Variants in ITGAE observed in about 807,000 individuals in gnomAD.
ITGAE encodes integrin subunit alpha E, also known as integrin alpha-E.
ITGAE carries 99 observed loss-of-function variants against 136.5 expected under a neutral mutation model. That is an observed-to-expected ratio of 0.73 (90% confidence interval 0.62 to 0.86). ITGAE has a LOEUF of 0.86. ITGAE is among the 40% of genes least tolerant of loss of function. The pLI is 0.00. For missense variants in ITGAE, 1,447 were observed against 1,515.3 expected (o/e 0.95, Z 0.75); for synonymous variants, 613 against 591.8 (o/e 1.04, Z -0.52).
In ITGAE at chr17:3,726,318, A is replaced by G. The variant is rs1308725910; in HGVS notation, c.3084+1601T>C. On this transcript the variant is annotated intron_variant, in intron 26 of 30. Coordinates refer to ENST00000263087, the MANE Select transcript of ITGAE (RefSeq NM_002208.5). The stretch of plus-strand genomic sequence containing the variant: ...TGCCACTGACTTGCTCTGCCAGCAC[A>G]GTCTGTTTAAGTAAGCTAAATGTAT... 4 of 1,609,720 alleles carry G rather than the reference A, an allele frequency of 2.5e-6. No homozygotes were observed. Among genetic ancestry groups the G allele is most frequent in the African/African-American group, 2.7e-5 (2 of 74,742 alleles).
chr17:3,752,615 G>A (rs752208921), intron 14 of ITGAE, among the ~76,000 whole-genome samples: 1 of 152,064 alleles, frequency 6.6e-6, no homozygotes, highest in Non-Finnish European at 1.5e-5. Flanking sequence ...AATTAGCCGG[G>A]TGTAGTGGCA....
At chr17:3,797,117 G>T (rs904044477) in intron 1 of ITGAE, among the ~76,000 whole-genome samples, 1 of 148,538 alleles carries the variant, frequency 6.7e-6, no homozygotes, top group Admixed American at 6.7e-5. Flanking sequence ...CAGGCCTTGA[G>T]CACTACTGTG....
At chr17:3,742,676 G>T (rs908533301) in intron 19 of ITGAE, among the ~76,000 whole-genome samples, 1 of 151,424 alleles carries the variant, frequency 6.6e-6, no homozygotes, top group Non-Finnish European at 1.5e-5. Context: ...ATGGAGTCTC[G>T]CTCTGTTGCC....
intron 28 of ITGAE, among the ~76,000 whole-genome samples, chr17:3,721,233 C>T (rs896285716): frequency 6.3e-5 from 5 of 79,302 alleles, no homozygotes; most frequent in African/African-American, 9.0e-5. Context: ...CCAGCTTATT[C>T]ATTTTATTTA....
chr17:3,798,375 A>G lies in ITGAE; in HGVS notation c.34+2736T>C, dbSNP rs1316816647. 6.6e-6 allele frequency among the ~76,000 whole-genome samples: 1 copy of G among 152,116 alleles called. No homozygotes were observed. Among genetic ancestry groups the G allele is most frequent in the Admixed American group, 6.5e-5 (1 of 15,280 alleles). On this transcript the variant is annotated intron_variant, in intron 1 of 30. Transcript: ENST00000263087. This position sits in a 1 kb window ranked among gnomAD's most constrained non-coding sequence, Gnocchi z 4.3. ...TTGGGGCGGGGCTGGAAGGGAAAGC[A>G]ACACCAGAGGAGACAATCTCCTGCT...
intron 19 of ITGAE, 125 bp downstream of exon 19, chr17:3,743,364 A>G: frequency 9.1e-7 from 1 of 1,095,716 alleles, no homozygotes; most frequent in Non-Finnish European, 1.3e-6. Context: ...GAGTACGGTG[A>G]GGGGCCCAAA....
chr17:3,779,890 G>A (rs1374151587), intron 1 of ITGAE, among the ~76,000 whole-genome samples: 2 of 152,150 alleles, frequency 1.3e-5, no homozygotes, highest in Non-Finnish European at 2.9e-5. Context: ...ATGGGAGAAG[G>A]TTTATCTCCC....
intron 26 of ITGAE, among the ~76,000 whole-genome samples, chr17:3,727,307 G>A (rs1363004015): frequency 2.6e-5 from 4 of 152,172 alleles, no homozygotes; most frequent in Non-Finnish European, 4.4e-5. Context: ...GGCAGTGTAA[G>A]AAATGTCACA....
chr17:3,774,363 T>C (rs1361508371), intron 2 of ITGAE, among the ~76,000 whole-genome samples: 1 of 144,686 alleles, frequency 6.9e-6, no homozygotes, highest in Non-Finnish European at 1.5e-5. Context: ...CAGAAAAAAA[T>C]GGGGGAGAAA....
At chr17:3,724,462 G>T in intron 26 of ITGAE, 1 of 1,613,792 alleles carries the variant, frequency 6.2e-7, no homozygotes. Context: ...GCCTCGCCCT[G>T]CCCCGGGTCC....
chr17:3,784,284 AT>A (rs1482308587), intron 1 of ITGAE: 11 of 351,608 alleles, frequency 3.1e-5, no homozygotes, highest in Non-Finnish European at 2.7e-5. Context: ...AAATAAAAAA[AT>A]AAAAATAAAA....
intron 8 of ITGAE, 50 bp from the exon 9 acceptor site, chr17:3,757,909 C>T (rs904277899): frequency 9.4e-6 from 15 of 1,599,342 alleles, no homozygotes; most frequent in Admixed American, 8.4e-5. Context: ...GAAGGATGAC[C>T]GAGCTCCAGG....
At position 3,732,093 on chromosome 17, in the gene ITGAE, A is replaced by AAACAAAC. The variant is rs1225800265; in HGVS notation, c.2754+274_2754+275insGTTTGTT. On this transcript the variant is annotated intron_variant, in intron 22 of 30. Transcript: ENST00000263087. Reference sequence around the variant, plus strand: ...TCCATCTCAAAAACAAACAAACAAAAAAACTTTTTGTCTGACACGCCCTCC... The same window carrying AAACAAAC: ...TCCATCTCAAAAACAAACAAACAAAAAACAAACAAACTTTTTGTCTGACACGCCCTCC... Among the ~76,000 whole-genome samples, 8 of 67,550 alleles carry AAACAAAC rather than the reference A, an allele frequency of 1.2e-4. No individual in the cohort carries two copies. The East Asian group carries it at 2.9e-3, about 25-fold the overall frequency. 44.3% of individuals were successfully genotyped at this position (67,550 alleles called of 152,430 possible).
At chr17:3,732,326 TGCAGG>T (rs746839065) in intron 22 of ITGAE, 37 bp downstream of exon 22, 5 of 1,446,240 alleles carry the variant, frequency 3.5e-6, no homozygotes, top group Non-Finnish European at 4.9e-6. Flanking sequence ...AGACGCCAAC[TGCAGG>T]GTGGTGAGAA....
At chr17:3,724,646 C>A in intron 26 of ITGAE, 1 of 1,614,208 alleles carries the variant, frequency 6.2e-7, no homozygotes, top group Non-Finnish European at 8.5e-7. Context: ...TCCACCAAAC[C>A]CGCGCCAGCC....
chr17:3,748,903 C>T lies in ITGAE; in HGVS notation c.2025-851G>A, dbSNP rs1183175882. On this transcript the variant is annotated intron_variant, in intron 16 of 30. Transcript: ENST00000263087. ...CAGGCCACGAAGAGCCCTGTAAAGC[C>T]ATGGTGAGGAATTGGGATTTTACTC... Among the ~76,000 whole-genome samples, 8 of 152,252 alleles carry T rather than the reference C, an allele frequency of 5.3e-5. No homozygotes were observed. In the South Asian group the frequency reaches 6.2e-4, roughly 12 times the overall value.
rs533133196 is a variant in ITGAE at position 3,796,016 on chromosome 17, TGTGCGCGTGTGTGC to T, written c.34+5081_34+5094del. Among the ~76,000 whole-genome samples, 602 of 134,684 alleles carry T rather than the reference TGTGCGCGTGTGTGC, an allele frequency of 4.5e-3. 6 individuals carry two copies. The highest frequency in any genetic ancestry group is 0.016 in the African/African-American group (568 of 35,104). 88.4% of individuals were successfully genotyped at this position (134,684 alleles called of 152,430 possible). A position where few individuals can be genotyped will look rare whatever the true frequency, so the allele number is the denominator to read the frequency against. On this transcript the variant is annotated intron_variant, in intron 1 of 30. Transcript: ENST00000263087. ...GTGTGTGCATCCGTGTGTGCATCCA[TGTGCGCGTGTGTGC>T]GTGTGCATCCGTGTGTGCATCTGTG...
chr17:3,797,928 AC>A (rs2053160920), intron 1 of ITGAE, among the ~76,000 whole-genome samples: 1 of 151,906 alleles, frequency 6.6e-6, no homozygotes, highest in African/African-American at 2.4e-5. Flanking sequence ...CCTGGTCAAG[AC>A]CTTCTGTGGC....
In ITGAE at chr17:3,714,850, A is replaced by G; in HGVS notation, c.3537T>C (p.Asn1179=). 6.3e-7 allele frequency: 1 copy of G among 1,591,898 alleles called. No homozygotes were observed. Among genetic ancestry groups the G allele is most frequent in the African/African-American group, 1.3e-5 (1 of 74,574 alleles). ...CTCTCCCAGTGGATAGCAGGTCCTA[A>G]TTCTCTTCTTCGAGCAGATTCTCTG... The part of the protein sequence containing the change: ...LKSENLLEEE[N] Residue 1179 remains asparagine, a synonymous_variant, in exon 31 of 31, where the codon AAT becomes AAC. Coordinates refer to ENST00000263087, the MANE Select transcript of ITGAE (RefSeq NM_002208.5).
Sources: gnomAD v4.1 joint callset for allele counts (sites outside exome capture counted in the v4.1 genomes callset) on GRCh38, gnomAD v4.1.1 for gene constraint, Gnocchi (gnomAD v3.1) non-coding constraint, MANE v1.5 for transcripts, NCBI Gene and HGNC (gene_info 2026-07-23, HGNC 2026-07-21) for gene names.